Variants in USP22 observed in about 807,000 individuals in gnomAD.
USP22 encodes ubiquitin specific peptidase 22, also known as ubiquitin carboxyl-terminal hydrolase 22.
Under a neutral mutation model 68.1 loss-of-function variants are expected in USP22, and 22 were observed. The ratio of observed to expected loss-of-function variants is 0.32; its 90% confidence interval spans 0.23 to 0.46. The LOEUF (loss-of-function observed/expected upper bound fraction) is 0.46. Among genes scored for constraint, USP22 ranks in the 20% least tolerant of loss-of-function variants. The probability of loss-of-function intolerance (pLI) is 1.00; values close to 1 mark genes in which losing one functional copy is unlikely to be tolerated. For missense variants in USP22, 433 were observed against 695.8 expected (o/e 0.62, Z 4.25); for synonymous variants, 279 against 274.2 (o/e 1.02, Z -0.17).
At chr17:21,012,707 T>G in intron 7 of USP22, 123 bp downstream of exon 7, 5 of 871,306 alleles carry the variant, frequency 5.7e-6, no homozygotes, top group Middle Eastern at 2.4e-4. Context: ...ATGGCGTCTA[T>G]TAATCATTTA....
chr17:21,018,411 A>C, intron 4 of USP22: 1 of 221,398 alleles, frequency 4.5e-6, no homozygotes, highest in Non-Finnish European at 8.6e-6. Context: ...GAACAAACAA[A>C]ACAGGTTTTT....
chr17:21,019,323 C>G (rs1393656181), intron 3 of USP22, 138 bp from the exon 4 acceptor site: 1 of 785,930 alleles, frequency 1.3e-6, no homozygotes, highest in Admixed American at 2.0e-5. Context: ...AGGGCTTTCT[C>G]AAACTCTACT....
At chr17:21,024,855 C>A (rs1026037054) in intron 2 of USP22, among the ~76,000 whole-genome samples, 3 of 152,108 alleles carry the variant, frequency 2.0e-5, no homozygotes, top group African/African-American at 4.8e-5. Flanking sequence ...GTGGTCCCAG[C>A]CACTCAGGAG....
At position 21,025,584 on chromosome 17, in the gene USP22, T is replaced by C. The variant is rs868271340; in HGVS notation, c.304+2958A>G. ...GCACTATTCCTAAGCACCAAGACGA[T>C]GGGAACAACCCACACGTCCATCAGC... On this transcript the variant is annotated intron_variant, in intron 2 of 12. Transcript: ENST00000261497. Among the ~76,000 whole-genome samples, 6 of 152,226 alleles carry C rather than the reference T, an allele frequency of 3.9e-5. No homozygotes were observed. In the East Asian group the frequency reaches 9.6e-4, roughly 24 times the overall value.
intron 1 of USP22, among the ~76,000 whole-genome samples, chr17:21,033,706 A>G (rs1803709179): frequency 1.3e-5 from 2 of 152,088 alleles, no homozygotes; most frequent in Admixed American, 6.6e-5. Context: ...CTCTTCAGTG[A>G]CTTTTTCAAG....
chr17:21,031,041 G>A (rs959423269), intron 1 of USP22, among the ~76,000 whole-genome samples: 1 of 152,172 alleles, frequency 6.6e-6, no homozygotes, highest in Non-Finnish European at 1.5e-5. Flanking sequence ...TTAGCAAGAA[G>A]CTAACAATTG....
chr17:21,042,436 G>A (rs1194060524), intron 1 of USP22, among the ~76,000 whole-genome samples: 11 of 133,892 alleles, frequency 8.2e-5, no homozygotes, highest in African/African-American at 3.8e-4. Flanking sequence ...GAAGGGGGGA[G>A]AGGGGAAGGA....
Position 21,001,667 on chromosome 17 carries a change from C to G in USP22, c.*1364G>C, listed in dbSNP as rs1157243474. 6.6e-6 allele frequency: 1 copy of G among 152,198 alleles called. No homozygotes were observed. The highest frequency in any genetic ancestry group is 1.5e-5 in the Non-Finnish European group (1 of 68,042). The allele number at this position is 152,198 out of a possible 1,614,324, so 9.4% of individuals were successfully genotyped here. ...TCCTGTTCCTGCAGGACTGAAGAAG[C>G]CTCAGTTCAGATGCTGCTGGGGCTC... On this transcript the variant is annotated 3_prime_UTR_variant, in exon 13 of 13. Transcript: ENST00000261497.
chr17:21,010,948 C>T (rs770175765), intron 8 of USP22, among the ~76,000 whole-genome samples: 26 of 152,144 alleles, frequency 1.7e-4, no homozygotes, highest in Admixed American at 4.6e-4. Context: ...TGGTGCTGTG[C>T]GAAGCTGGGG....
At chr17:21,036,695 C>G (rs867166219) in intron 1 of USP22, among the ~76,000 whole-genome samples, 53 of 152,100 alleles carry the variant, frequency 3.5e-4, no homozygotes, top group African/African-American at 1.3e-3. Flanking sequence ...AGAATAATCC[C>G]TATAGAAATG....
rs574952966 is a variant in USP22 at position 21,004,063 on chromosome 17, G to A, written c.1535+139C>T. 4.0e-6 allele frequency: 5 copies of A among 1,256,654 alleles called. No individual in the cohort carries two copies. The Admixed American group carries it at 7.4e-5, about 19-fold the overall frequency. The allele number at this position is 1,256,654 out of a possible 1,614,324, so 77.8% of individuals were successfully genotyped here. Reference sequence around the variant, plus strand: ...CCCATCGAGGCTGGCATCCTATCCAGAACAGGCTTCATTACTTCGGCAAAT... The same window carrying A: ...CCCATCGAGGCTGGCATCCTATCCAAAACAGGCTTCATTACTTCGGCAAAT... On this transcript the variant is annotated intron_variant, in intron 12 of 12. Transcript: ENST00000261497.
chr17:21,021,166 T>C lies in USP22; in HGVS notation c.365A>G (p.Lys122Arg). The C allele has an allele frequency of 6.2e-7, 1 of 1,614,204 alleles. No homozygotes were observed. The highest frequency in any genetic ancestry group is 8.5e-7 in the Non-Finnish European group (1 of 1,180,036). The change falls in exon 3 of 13, where the codon AAA (lysine) becomes AGA (arginine). Residue 122 changes from lysine (K) to arginine (R), a missense_variant. Lys to Arg is a conservative substitution (Grantham distance 26). Around this residue, in one of 4 missense-constraint regions of USP22, gnomAD observed 144 missense variants for 237.2 expected, o/e 0.61. Coordinates refer to ENST00000261497, the MANE Select transcript of USP22 (RefSeq NM_015276.2). ...CTCCTTGGCGATTATTTCCATGTCT[T>C]TGTCATAGATGTAGTCCTGGCACAG... Reference protein sequence around the residue: ...CFLCQDYIYDKDMEIIAKEEQ... With the variant: ...CFLCQDYIYDRDMEIIAKEEQ...
intron 7 of USP22, among the ~76,000 whole-genome samples, chr17:21,011,784 G>A (rs957277363): frequency 2.6e-5 from 4 of 152,172 alleles, no homozygotes; most frequent in African/African-American, 9.7e-5. Flanking sequence ...CCAGTTCCTT[G>A]CTAGAAATTT....
rs114040882 is a variant in USP22 at position 21,033,669 on chromosome 17, G to A, written c.172-4995C>T. ...ACTGGTCTAAAACCTGAGCATCTTA[G>A]GAAGGTAAGTTTAATTCTTGTGCAT... On this transcript the variant is annotated intron_variant, in intron 1 of 12. Coordinates refer to ENST00000261497, the MANE Select transcript of USP22 (RefSeq NM_015276.2). 2.6e-3 allele frequency among the ~76,000 whole-genome samples: 397 copies of A among 152,244 alleles called. 2 individuals are homozygous for A. The highest frequency in any genetic ancestry group is 9.1e-3 in the African/African-American group (378 of 41,522).
At chr17:21,028,253 G>A (rs1597698700) in intron 2 of USP22, among the ~76,000 whole-genome samples, 1 of 152,070 alleles carries the variant, frequency 6.6e-6, no homozygotes, top group Non-Finnish European at 1.5e-5. Context: ...TGTTTCAAAG[G>A]GTCTGACGTT....
chr17:21,036,876 A>C (rs994115009), intron 1 of USP22, among the ~76,000 whole-genome samples: 3 of 152,196 alleles, frequency 2.0e-5, no homozygotes, highest in African/African-American at 7.2e-5. Context: ...AATGATGAAC[A>C]CACCAGTGCC....
At chr17:21,016,009 T>C (rs2143562779) in intron 5 of USP22, 110 bp from the exon 6 acceptor site, 4 of 1,363,918 alleles carry the variant, frequency 2.9e-6, no homozygotes, top group East Asian at 5.3e-5. Context: ...TGTGGCTCAT[T>C]TGACACAAAT....
At chr17:21,015,965 C>G in intron 5 of USP22, 66 bp from the exon 6 acceptor site, 1 of 1,531,672 alleles carries the variant, frequency 6.5e-7, no homozygotes, top group Non-Finnish European at 8.8e-7. Context: ...AGAGTACACA[C>G]AATCAAAACC....
At chr17:21,017,036 A>G (rs1972091698) in intron 5 of USP22, among the ~76,000 whole-genome samples, 1 of 152,202 alleles carries the variant, frequency 6.6e-6, no homozygotes, top group African/African-American at 2.4e-5. Context: ...CCGTGTCCCC[A>G]GCAGTTATGG....
Sources: allele counts gnomAD v4.1 joint callset (sites outside exome capture counted in the v4.1 genomes callset), GRCh38; gene constraint gnomAD v4.1.1; regional missense constraint gnomAD v4.1.1; transcripts MANE v1.5; gene names NCBI Gene and HGNC (gene_info 2026-07-23, HGNC 2026-07-21).